Variants in ARHGAP23 observed in about 807,000 individuals in gnomAD.
ARHGAP23 encodes rho GTPase-activating protein 23.
A neutral mutation model predicts 136.3 loss-of-function variants in ARHGAP23; 34 were observed. The observed-to-expected ratio is 0.25, with a 90% CI of 0.19 to 0.33. The LOEUF (loss-of-function observed/expected upper bound fraction) is 0.33, where lower values mean the gene tolerates loss of function less well. Among genes scored for constraint, ARHGAP23 ranks in the 10% least tolerant of loss-of-function variants. The pLI is 1.00. For synonymous variants in ARHGAP23, 832 were observed against 920.5 expected (o/e 0.90, Z 1.74); for missense variants, 1,808 against 2,139.0 (o/e 0.85, Z 3.05).
chr17:38,448,244 G>A (rs2039077362), intron 1 of ARHGAP23, among the ~76,000 whole-genome samples: 1 of 152,180 alleles, frequency 6.6e-6, no homozygotes, highest in South Asian at 2.1e-4. Context: ...GTGATGCCGG[G>A]AAGGATGAGC....
intron 11 of ARHGAP23, among the ~76,000 whole-genome samples, chr17:38,473,984 G>A (rs1249846146): frequency 2.6e-5 from 4 of 152,050 alleles, no homozygotes; most frequent in East Asian, 1.9e-4. Flanking sequence ...ACAGTGGTAC[G>A]ATCTCAGCTC....
rs535213162 is a variant in ARHGAP23, at chr17:38,466,614, C to A, written c.931C>A (p.Arg311=). The A allele has an allele frequency of 1.3e-6, 2 of 1,513,204 alleles. No individual in the cohort carries two copies. Among genetic ancestry groups the A allele is most frequent in the Admixed American group, 2.1e-5 (1 of 47,450 alleles). The allele number at this position is 1,513,204 out of a possible 1,614,324, so 93.7% of individuals were successfully genotyped here. Residue 311 remains arginine, a synonymous_variant, in exon 7 of 24, where the codon CGG becomes AGG. Coordinates refer to ENST00000622683, the MANE Select transcript of ARHGAP23 (RefSeq NM_001199417.2). ...GAGACGGTGCCCAGCCATGGCCCCC[C>A]GGGCCCGCAGCGCCTCCCAGGACCG... is the stretch of plus-strand genomic sequence containing the variant. ...GERRCPAMAP[R]ARSASQDRLE...
At chr17:38,437,796 G>GC (rs1555576670) in intron 1 of ARHGAP23, among the ~76,000 whole-genome samples, 16 of 16,368 alleles carry the variant, frequency 9.8e-4, no homozygotes, top group South Asian at 8.4e-3. Context: ...GCATAACGAA[G>GC]GGGGGGGAGG....
chr17:38,428,590 G>T, intron 1 of ARHGAP23, 42 bp downstream of exon 1: 1 of 1,304,484 alleles, frequency 7.7e-7, no homozygotes, highest in South Asian at 1.9e-5. Flanking sequence ...GCCGGTAGCT[G>T]CTGGGGAGCG....
intron 1 of ARHGAP23, among the ~76,000 whole-genome samples, chr17:38,430,109 T>C (rs1171756167): frequency 6.6e-6 from 1 of 152,090 alleles, no homozygotes; most frequent in East Asian, 1.9e-4. Flanking sequence ...TTGGGAACCA[T>C]GGGAGCAGTA....
At chr17:38,439,047 G>A (rs928262283) in intron 1 of ARHGAP23, among the ~76,000 whole-genome samples, 2 of 150,884 alleles carry the variant, frequency 1.3e-5, no homozygotes, top group Admixed American at 6.6e-5. Flanking sequence ...GTAGTGGCGG[G>A]CACCTGTAAA....
intron 23 of ARHGAP23, 102 bp from the exon 24 acceptor site, chr17:38,509,842 G>C (rs1189337867): frequency 1.0e-6 from 1 of 954,294 alleles, no homozygotes; most frequent in South Asian, 5.3e-5. Context: ...GCTGGGGCTT[G>C]TGGCGACTGG....
At chr17:38,434,617 G>T (rs1403952247) in intron 1 of ARHGAP23, among the ~76,000 whole-genome samples, 1 of 152,226 alleles carries the variant, frequency 6.6e-6, no homozygotes, top group South Asian at 2.1e-4. Flanking sequence ...CTGGGAGACC[G>T]CGTGGGAGCC....
intron 7 of ARHGAP23, among the ~76,000 whole-genome samples, 184 bp from the exon 8 acceptor site, chr17:38,468,960 G>A (rs1350064468): frequency 1.3e-5 from 2 of 152,146 alleles, no homozygotes; most frequent in Non-Finnish European, 2.9e-5. Flanking sequence ...TGAGGGTAAG[G>A]ATTCCATGGC....
intron 1 of ARHGAP23, among the ~76,000 whole-genome samples, chr17:38,432,788 C>A (rs1367461509): frequency 6.6e-6 from 1 of 152,004 alleles, no homozygotes; most frequent in Non-Finnish European, 1.5e-5. Flanking sequence ...GTGATTGCAC[C>A]ACTGCACTCC....
At position 38,510,100 on chromosome 17, in the gene ARHGAP23, G is replaced by A. The variant is rs1466564797; in HGVS notation, c.3604G>A (p.Ala1202Thr). The A allele has an allele frequency of 2.7e-5, 34 of 1,245,104 alleles. No individual in the cohort carries two copies. Among genetic ancestry groups the A allele is most frequent in the Non-Finnish European group, 3.3e-5 (33 of 998,140 alleles). The allele number at this position is 1,245,104 out of a possible 1,614,324, so 77.1% of individuals were successfully genotyped here. Reference protein sequence around the residue: ...DSEQEAHKPGAGATAPGTQER... With the variant: ...DSEQEAHKPGTGATAPGTQER... Reference sequence around the variant, plus strand: ...GGAGCAGGAGGCGCACAAGCCTGGGGCGGGGGCCACAGCGCCGGGGACTCA... The same window carrying A: ...GGAGCAGGAGGCGCACAAGCCTGGGACGGGGGCCACAGCGCCGGGGACTCA... The change falls in exon 24 of 24, where the codon GCG becomes ACG. Residue 1202 changes from alanine to threonine, a missense_variant. By Grantham distance (58) the Ala-to-Thr change is moderately conservative. Around this residue, in one of 7 missense-constraint regions of ARHGAP23, gnomAD observed 506 missense variants for 455.8 expected, o/e 1.11. Transcript: ENST00000622683. This position sits in a 1 kb window ranked among gnomAD's most constrained non-coding sequence, Gnocchi z 4.6.
intron 1 of ARHGAP23, among the ~76,000 whole-genome samples, chr17:38,422,928 C>A (rs2038533275): frequency 6.6e-6 from 1 of 152,222 alleles, no homozygotes; most frequent in Admixed American, 6.5e-5. Context: ...TGGCCAGCGC[C>A]TGTGCCCCAC....
chr17:38,428,239 C>G (rs1450861550), upstream of ARHGAP23, among the ~76,000 whole-genome samples: 4 of 152,066 alleles, frequency 2.6e-5, no homozygotes, highest in African/African-American at 7.2e-5. Flanking sequence ...TGGGCTCTGA[C>G]GTCCAGCTCT....
chr17:38,456,916 C>CT lies in ARHGAP23; in HGVS notation c.64-1174dup, dbSNP rs375995739. 3.5e-3 allele frequency among the ~76,000 whole-genome samples: 517 copies of CT among 146,596 alleles called. 6 individuals carry two copies. The highest frequency in any genetic ancestry group is 0.01 in the African/African-American group (419 of 40,190). The stretch of plus-strand genomic sequence containing the variant: ...CTTTAGTGTCTCTGAAACCTCCAGC[C>CT]TTTTTTTTTTTTGAGACGAAGTCTC... On this transcript the variant is annotated intron_variant, in intron 1 of 23. Coordinates refer to ENST00000622683, the MANE Select transcript of ARHGAP23 (RefSeq NM_001199417.2).
rs946150158 is a variant in ARHGAP23, at chr17:38,469,006, T to G, written c.1649-138T>G. The stretch of plus-strand genomic sequence containing the variant: ...ACAGTGGGCCAGTCATGCTTGACAG[T>G]GGGCATGTTGCCAGCAGGACCCTTT... On this transcript the variant is annotated intron_variant, in intron 7 of 23. Coordinates refer to ENST00000622683, the MANE Select transcript of ARHGAP23 (RefSeq NM_001199417.2). The G allele has an allele frequency of 5.7e-6, 5 of 873,366 alleles. No homozygotes were observed. In the Admixed American group the frequency reaches 1.5e-4, roughly 25 times the overall value. The allele number at this position is 873,366 out of a possible 1,614,324, so 54.1% of individuals were successfully genotyped here. A position where few individuals can be genotyped will look rare whatever the true frequency, so the allele number is the denominator to read the frequency against.
At position 38,511,044 on chromosome 17, in the gene ARHGAP23, C is replaced by T. The variant is rs1597861051; in HGVS notation, c.*72C>T. ...TTTGGAACCAGGAGGCTTCACCAGCCTGCACCTCCTCTTCTGTGGCCCCTG... is the reference window on the plus strand; with the variant it reads ...TTTGGAACCAGGAGGCTTCACCAGCTTGCACCTCCTCTTCTGTGGCCCCTG... On this transcript the variant is annotated 3_prime_UTR_variant, in exon 24 of 24. Transcript: ENST00000622683. The T allele has an allele frequency of 2.2e-6, 3 of 1,346,320 alleles. No homozygotes were observed. The East Asian group carries it at 9.3e-5, about 42-fold the overall frequency. 83.4% of individuals were successfully genotyped at this position (1,346,320 alleles called of 1,614,324 possible).
chr17:38,469,592 G>A lies in ARHGAP23; in HGVS notation c.1873G>A (p.Asp625Asn), dbSNP rs1597801015. Reference protein sequence around the residue: ...AITTERSKSCDDGLNTFRDEG... With the variant: ...AITTERSKSCNDGLNTFRDEG... ...CACCACGGAGCGCTCCAAGTCCTGCGATGATGGACTCAACACCTTCCGCGA... is the reference window on the plus strand; with the variant it reads ...CACCACGGAGCGCTCCAAGTCCTGCAATGATGGACTCAACACCTTCCGCGA... Residue 625 changes from aspartate to asparagine, a missense_variant, in exon 9 of 24, where the codon GAT becomes AAT. Asp to Asn is a conservative substitution (Grantham distance 23, BLOSUM62 1). This residue lies in a region of ARHGAP23 where 859 missense variants were observed against 936.4 expected (regional missense o/e 0.92). Coordinates refer to ENST00000622683, the MANE Select transcript of ARHGAP23 (RefSeq NM_001199417.2). 3 of 1,548,782 alleles carry A rather than the reference G, an allele frequency of 1.9e-6. No individual in the cohort carries two copies. Among genetic ancestry groups the A allele is most frequent in the Non-Finnish European group, 2.6e-6 (3 of 1,146,728 alleles).
intron 2 of ARHGAP23, among the ~76,000 whole-genome samples, chr17:38,460,055 A>G (rs1240946957): frequency 6.6e-6 from 1 of 152,166 alleles, no homozygotes; most frequent in Non-Finnish European, 1.5e-5. Context: ...GTTAGAAGAG[A>G]TGACGCTGAA....
At chr17:38,496,309 ATT>A (rs57322408) in intron 20 of ARHGAP23, among the ~76,000 whole-genome samples, 100,191 of 150,082 alleles carry the variant, frequency 0.67, 34,595 homozygotes, top group East Asian at 0.91. Flanking sequence ...AAAATCTACA[ATT>A]TTTTTTTTTT....
Sources: allele counts gnomAD v4.1 joint callset (sites outside exome capture counted in the v4.1 genomes callset), GRCh38; gene constraint gnomAD v4.1.1; regional missense constraint gnomAD v4.1.1; non-coding constraint Gnocchi (gnomAD v3.1); transcripts MANE v1.5; gene names NCBI Gene and HGNC (gene_info 2026-07-23, HGNC 2026-07-21).